Variants in ITGB6 observed in about 807,000 individuals in gnomAD.
ITGB6 encodes integrin subunit beta 6.
ITGB6 carries 80 observed loss-of-function variants against 84.5 expected under a neutral mutation model. That is an observed-to-expected ratio of 0.95 (90% confidence interval 0.79 to 1.14). The LOEUF is 1.14. ITGB6 is among the 50% of genes most tolerant of loss of function. ITGB6 has a pLI of 0.00. For synonymous variants in ITGB6, 383 were observed against 354.9 expected, an observed-to-expected ratio of 1.08 and a Z score of -0.89; for missense variants, 1,006 against 968.0, an observed-to-expected ratio of 1.04 and a Z score of -0.52.
At chr2:160,154,384 G>A (rs909911257) in intron 7 of ITGB6, among the ~76,000 whole-genome samples, 4 of 150,030 alleles carry the variant, frequency 2.7e-5, no homozygotes, top group Non-Finnish European at 4.4e-5. Flanking sequence ...ATTGAACAAT[G>A]AGAACTCTTG....
intron 3 of ITGB6, 131 bp from the exon 4 acceptor site, chr2:160,195,746 T>C (rs1574150697): frequency 1.9e-6 from 2 of 1,033,404 alleles, no homozygotes; most frequent in East Asian, 2.6e-5. Flanking sequence ...TTTTATTAAC[T>C]GTGTGGTCAA....
At chr2:160,137,997 C>T (rs1683827201) in intron 9 of ITGB6, 68 bp downstream of exon 9, 2 of 1,538,906 alleles carry the variant, frequency 1.3e-6, no homozygotes, top group Non-Finnish European at 1.8e-6. Flanking sequence ...AATCCAGCTT[C>T]AGTGAGCTCA....
chr2:160,119,199 C>T (rs186661711), intron 12 of ITGB6, among the ~76,000 whole-genome samples: 3 of 152,236 alleles, frequency 2.0e-5, no homozygotes, highest in African/African-American at 4.8e-5. Flanking sequence ...AAAGAGCCCG[C>T]GTCACCAAGT....
At chr2:160,174,307 C>T (rs1291478410) in intron 4 of ITGB6, among the ~76,000 whole-genome samples, 168 bp from the exon 5 acceptor site, 1 of 152,168 alleles carries the variant, frequency 6.6e-6, no homozygotes, top group East Asian at 1.9e-4. Flanking sequence ...ACATCATCCC[C>T]AACCCTTTCT....
intron 14 of ITGB6, among the ~76,000 whole-genome samples, chr2:160,102,162 A>C (rs536664048): frequency 1.3e-5 from 2 of 152,176 alleles, no homozygotes; most frequent in Non-Finnish European, 2.9e-5. Context: ...GCAGGTACTC[A>C]GTATGTATGG....
At chr2:160,177,093 G>GT (rs869133486) in intron 4 of ITGB6, among the ~76,000 whole-genome samples, 34 of 151,268 alleles carry the variant, frequency 2.2e-4, no homozygotes, top group Admixed American at 4.0e-4. Flanking sequence ...TGGCATCATT[G>GT]TTTTTTTTAA....
intron 4 of ITGB6, among the ~76,000 whole-genome samples, chr2:160,178,608 G>C (rs368643368): frequency 2.2e-4 from 33 of 152,176 alleles, no homozygotes; most frequent in African/African-American, 7.9e-4. Flanking sequence ...GCTCACGCCA[G>C]GGAATTTTGA....
chr2:160,113,415 G>C (rs1013808613), intron 12 of ITGB6, among the ~76,000 whole-genome samples: 4 of 152,206 alleles, frequency 2.6e-5, no homozygotes, highest in Non-Finnish European at 5.9e-5. Context: ...CAGTGTCTGT[G>C]AGAAGTATGC....
intron 4 of ITGB6, among the ~76,000 whole-genome samples, chr2:160,189,340 A>G (rs1686041359): frequency 6.6e-6 from 1 of 152,260 alleles, no homozygotes; most frequent in Admixed American, 6.5e-5. Context: ...AACAAAAGCC[A>G]AAATTGACAA....
chr2:160,188,871 T>C (rs1219896610), intron 4 of ITGB6, among the ~76,000 whole-genome samples: 1 of 152,064 alleles, frequency 6.6e-6, no homozygotes, highest in Non-Finnish European at 1.5e-5. Context: ...CCCAAAACGC[T>C]GGGATTGCAG....
intron 10 of ITGB6, among the ~76,000 whole-genome samples, chr2:160,131,070 A>G (rs1683450106): frequency 6.6e-6 from 1 of 152,146 alleles, no homozygotes; most frequent in South Asian, 2.1e-4. Flanking sequence ...TGGTTCATAC[A>G]ATAACAACAA....
chr2:160,199,888 A>C, intron 1 of ITGB6, 115 bp downstream of exon 1: 2 of 802,054 alleles, frequency 2.5e-6, no homozygotes, highest in Non-Finnish European at 2.1e-6. Flanking sequence ...ACTCAGTCAC[A>C]AAAGAGCAAT....
intron 8 of ITGB6, among the ~76,000 whole-genome samples, chr2:160,138,917 T>G (rs1683880345): frequency 6.6e-6 from 1 of 152,176 alleles, no homozygotes; most frequent in Non-Finnish European, 1.5e-5. Context: ...CAATAGTCCA[T>G]GAAAACTACA....
chr2:160,121,468 C>G (rs188301171), intron 12 of ITGB6, among the ~76,000 whole-genome samples: 2 of 152,098 alleles, frequency 1.3e-5, no homozygotes, highest in Non-Finnish European at 2.9e-5. Flanking sequence ...TCTCTGAGTA[C>G]ATGTATGTTA....
At chr2:160,137,908 C>A (rs1683822962) in intron 9 of ITGB6, 57 bp from the exon 10 acceptor site, 11 of 1,573,148 alleles carry the variant, frequency 7.0e-6, no homozygotes, top group South Asian at 1.2e-5. Context: ...CGAGGTGAAA[C>A]AAGGCTTCAC....
intron 2 of ITGB6, among the ~76,000 whole-genome samples, chr2:160,196,784 G>C (rs1208094227): frequency 6.6e-6 from 1 of 152,106 alleles, no homozygotes; most frequent in Non-Finnish European, 1.5e-5. Flanking sequence ...GGTTCACAGA[G>C]TTGACATCAT....
intron 11 of ITGB6, among the ~76,000 whole-genome samples, chr2:160,125,462 A>T (rs978201341): frequency 2.0e-5 from 3 of 152,202 alleles, no homozygotes; most frequent in Admixed American, 6.5e-5. Flanking sequence ...TTTCCATTAG[A>T]TCCTATTCAA....
intron 7 of ITGB6, among the ~76,000 whole-genome samples, chr2:160,146,269 T>C (rs1684182747): frequency 6.6e-6 from 1 of 152,198 alleles, no homozygotes; most frequent in African/African-American, 2.4e-5. Flanking sequence ...TTGATACACA[T>C]ATACCATGTT....
At chr2:160,176,846 T>C (rs1410861833) in intron 4 of ITGB6, among the ~76,000 whole-genome samples, 1 of 152,252 alleles carries the variant, frequency 6.6e-6, no homozygotes, top group Non-Finnish European at 1.5e-5. Context: ...ATTGTAATTG[T>C]TGTGAGATGA....
Sources: allele counts gnomAD v4.1 joint callset (sites outside exome capture counted in the v4.1 genomes callset), GRCh38; gene constraint gnomAD v4.1.1; transcripts MANE v1.5; gene names NCBI Gene and HGNC (gene_info 2026-07-23, HGNC 2026-07-21).